Variants in UNC13C observed in about 807,000 individuals in gnomAD.
The protein encoded by UNC13C is protein unc-13 homolog C.
UNC13C carries 174 observed loss-of-function variants against 245.4 expected under a neutral mutation model. The ratio of observed to expected loss-of-function variants is 0.71; its 90% CI spans 0.63 to 0.80. The LOEUF is 0.80. Among genes scored for constraint, UNC13C ranks in the 30% least tolerant of loss-of-function variants. The probability of loss-of-function intolerance (pLI) is 0.00; values close to 1 mark genes in which losing one functional copy is unlikely to be tolerated. For synonymous variants in UNC13C, 992 were observed against 895.1 expected, an observed-to-expected ratio of 1.11 and a Z score of -1.93; for missense variants, 2,829 against 2,602.9, an observed-to-expected ratio of 1.09 and a Z score of -1.89.
At chr15:54,317,265 T>C (rs1464192606) in intron 13 of UNC13C, among the ~76,000 whole-genome samples, 1 of 151,980 alleles carries the variant, frequency 6.6e-6, no homozygotes, top group Non-Finnish European at 1.5e-5. Context: ...GCACTAATGA[T>C]AAACGTGTGG....
chr15:54,267,005 G>A (rs1181139006), intron 10 of UNC13C, among the ~76,000 whole-genome samples: 1 of 151,988 alleles, frequency 6.6e-6, no homozygotes, highest in Non-Finnish European at 1.5e-5. Context: ...TTGCTTGTTA[G>A]CATTCCATTT....
chr15:53,845,825 T>C, the UNC13C span, among the ~76,000 whole-genome samples: 19 of 152,292 alleles, frequency 1.2e-4, no homozygotes, highest in African/African-American at 2.6e-4. Flanking sequence ...GCAGACCCAA[T>C]TGACACTTGC....
chr15:54,027,835 GTGTC>G (rs1229559807), intron 2 of UNC13C, among the ~76,000 whole-genome samples: 1 of 149,026 alleles, frequency 6.7e-6, no homozygotes, highest in African/African-American at 2.5e-5. Flanking sequence ...TTTCTTATTG[GTGTC>G]TCCTTACTAG....
At chr15:54,496,483 A>AGATCTTT (rs1893953156) in intron 20 of UNC13C, among the ~76,000 whole-genome samples, 1 of 152,150 alleles carries the variant, frequency 6.6e-6, no homozygotes, top group Non-Finnish European at 1.5e-5. Flanking sequence ...TATACAAAAA[A>AGATCTTT]GATCTTTGCA....
Position 54,628,479 on chromosome 15 carries a change from C to G in UNC13C, c.*1366C>G, listed in dbSNP as rs2141326815. 6.6e-6 allele frequency: 1 copy of G among 152,626 alleles called. No individual in the cohort carries two copies. The highest frequency in any genetic ancestry group is 1.9e-4 in the East Asian group (1 of 5,168). 9.5% of individuals were successfully genotyped at this position (152,626 alleles called of 1,614,324 possible). On this transcript the variant is annotated 3_prime_UTR_variant, in exon 33 of 33. Transcript: ENST00000260323. ...TGCAACTGAGTATGAAATCACAGAC[C>G]AGTGAGGTGAGCTAATTCATGTTAA...
chr15:54,193,923 G>A lies in UNC13C; in HGVS notation c.3072-41107G>A, dbSNP rs561710950. On this transcript the variant is annotated intron_variant, in intron 4 of 32. Coordinates refer to ENST00000260323, the MANE Select transcript of UNC13C (RefSeq NM_001080534.3). ...CCTAGGTAATGAGATCTGGAGCTAC[G>A]AAGGTTCTACTGAAGAGAACAGAGG... 3.9e-4 allele frequency among the ~76,000 whole-genome samples: 59 copies of A among 152,244 alleles called. No individual in the cohort carries two copies. The South Asian group carries it at 0.012, about 30-fold the overall frequency.
chr15:54,060,637 T>A (rs1270878429), intron 2 of UNC13C, among the ~76,000 whole-genome samples: 7 of 152,008 alleles, frequency 4.6e-5, no homozygotes, highest in Non-Finnish European at 7.4e-5. Flanking sequence ...CAAAGGATTA[T>A]AAATCATGCT....
intron 30 of UNC13C, among the ~76,000 whole-genome samples, chr15:54,605,419 T>A (rs1030153028): frequency 2.0e-5 from 3 of 152,216 alleles, no homozygotes; most frequent in African/African-American, 7.2e-5. Flanking sequence ...TACTTATCCT[T>A]CCACAAGCTT....
At chr15:54,314,500 G>C (rs778645375) in intron 13 of UNC13C, among the ~76,000 whole-genome samples, 28 of 151,534 alleles carry the variant, frequency 1.8e-4, no homozygotes, top group Non-Finnish European at 4.0e-4. Flanking sequence ...ATACCATGGT[G>C]GATGGTTAAG....
downstream of UNC13C, chr15:54,628,740 A>AGAT (rs1901359518): frequency 6.6e-6 from 1 of 152,180 alleles, no homozygotes; most frequent in African/African-American, 2.4e-5. Flanking sequence ...TTAAAAGTTT[A>AGAT]GATGTCAGAA....
At chr15:53,875,115 T>C in the UNC13C span, among the ~76,000 whole-genome samples, 1 of 152,120 alleles carries the variant, frequency 6.6e-6, no homozygotes, top group Non-Finnish European at 1.5e-5. Flanking sequence ...AAATATCTTA[T>C]ATGCATGTGA....
At chr15:53,940,890 A>T in the UNC13C span, among the ~76,000 whole-genome samples, 14 of 152,358 alleles carry the variant, frequency 9.2e-5, no homozygotes, top group East Asian at 1.9e-3. Flanking sequence ...CTTACTGGCC[A>T]AAGTAATTTA....
At chr15:53,858,217 T>A in the UNC13C span, among the ~76,000 whole-genome samples, 1 of 152,194 alleles carries the variant, frequency 6.6e-6, no homozygotes, top group South Asian at 2.1e-4. Flanking sequence ...CTATAACATT[T>A]ACATATTGAA....
intron 2 of UNC13C, among the ~76,000 whole-genome samples, chr15:54,099,264 A>C (rs1031572625): frequency 6.6e-6 from 1 of 152,134 alleles, no homozygotes; most frequent in Non-Finnish European, 1.5e-5. Context: ...AAGTTGGATG[A>C]AATGCTCCCC....
chr15:54,068,838 G>C (rs1475045758), intron 2 of UNC13C, among the ~76,000 whole-genome samples: 1 of 152,094 alleles, frequency 6.6e-6, no homozygotes, highest in African/African-American at 2.4e-5. Context: ...CCTATAATGA[G>C]GGCAAACTAC....
chr15:54,255,252 C>T (rs1440196679), intron 8 of UNC13C, among the ~76,000 whole-genome samples: 1 of 152,098 alleles, frequency 6.6e-6, no homozygotes, highest in Non-Finnish European at 1.5e-5. Flanking sequence ...AGGGTTCTTG[C>T]TTTGGTGTAC....
chr15:54,470,285 C>G (rs990326083), intron 19 of UNC13C, among the ~76,000 whole-genome samples: 1 of 151,464 alleles, frequency 6.6e-6, no homozygotes, highest in Non-Finnish European at 1.5e-5. Flanking sequence ...GTATTCCTAC[C>G]TCTTCAATAT....
chr15:54,450,284 A>G (rs1255767694), intron 19 of UNC13C, among the ~76,000 whole-genome samples: 1 of 151,782 alleles, frequency 6.6e-6, no homozygotes, highest in Non-Finnish European at 1.5e-5. Flanking sequence ...GAGAACCACT[A>G]CTCTCTTCAA....
At chr15:54,413,121 C>T (rs376430306) in intron 18 of UNC13C, among the ~76,000 whole-genome samples, 1 of 151,964 alleles carries the variant, frequency 6.6e-6, no homozygotes, top group Non-Finnish European at 1.5e-5. Flanking sequence ...TGGGATAAAC[C>T]TCTCGATCAT....
Sources: gnomAD v4.1 joint callset for allele counts (sites outside exome capture counted in the v4.1 genomes callset) on GRCh38, gnomAD v4.1.1 for gene constraint, MANE v1.5 for transcripts, NCBI Gene and HGNC (gene_info 2026-07-23, HGNC 2026-07-21) for gene names.